Variants in COL10A1 observed in about 807,000 individuals in gnomAD.
COL10A1 encodes the protein collagen type X alpha 1 chain.
Under a neutral mutation model 18.2 loss-of-function variants are expected in COL10A1, and 10 were observed. That is an observed-to-expected ratio of 0.55 (90% confidence interval 0.34 to 0.93). The LOEUF (loss-of-function observed/expected upper bound fraction) is 0.93, where lower values mean the gene tolerates loss of function less well. Ranked by LOEUF, COL10A1 falls within the 40% of genes least tolerant of loss-of-function variation. The pLI, the probability that COL10A1 is intolerant of heterozygous loss-of-function variation, is 0.02. For missense variants in COL10A1, 897 were observed against 853.5 expected (o/e 1.05, Z -0.64); for synonymous variants, 330 against 316.6 (o/e 1.04, Z -0.45).
the COL10A1 span, among the ~76,000 whole-genome samples, chr6:116,197,262 A>G: frequency 1.3e-5 from 2 of 151,912 alleles, no homozygotes; most frequent in Non-Finnish European, 2.9e-5. Flanking sequence ...TTTGTCCTCA[A>G]CCACATACCA....
chr6:116,178,114 T>TGCGTGC, the COL10A1 span, among the ~76,000 whole-genome samples: 1 of 141,824 alleles, frequency 7.1e-6, no homozygotes, highest in African/African-American at 2.8e-5. Flanking sequence ...TGCGTGCGTG[T>TGCGTGC]GTGTGTGTGT....
intron 2 of COL10A1, among the ~76,000 whole-genome samples, chr6:116,124,324 G>C (rs1779227640): frequency 6.6e-6 from 1 of 152,094 alleles, no homozygotes; most frequent in Non-Finnish European, 1.5e-5. Context: ...GAAGCCTACA[G>C]TCAGTTTATA....
At chr6:116,138,878 CT>C (rs1301827474) in intron 1 of COL10A1, among the ~76,000 whole-genome samples, 2 of 152,044 alleles carry the variant, frequency 1.3e-5, no homozygotes, top group Non-Finnish European at 2.9e-5. Flanking sequence ...TTCAGTCTTG[CT>C]TTTGGTTTGA....
rs892775702 is a variant in COL10A1, at chr6:116,119,438, T to A, written c.*635A>T. ...TGATGAAAGCACCTTGCATTTCAGA[T>A]GAACTTCAATATTTTGGGGCTTTTT... On this transcript the variant is annotated 3_prime_UTR_variant, in exon 3 of 3. Coordinates refer to ENST00000651968, the MANE Select transcript of COL10A1 (RefSeq NM_000493.4). 1 of 152,644 alleles carries A rather than the reference T, an allele frequency of 6.6e-6. No individual in the cohort carries two copies. The highest frequency in any genetic ancestry group is 1.5e-5 in the Non-Finnish European group (1 of 68,056). The allele number at this position is 152,644 out of a possible 1,614,324, so 9.5% of individuals were successfully genotyped here.
chr6:116,169,841 G>C, the COL10A1 span, among the ~76,000 whole-genome samples: 1 of 152,102 alleles, frequency 6.6e-6, no homozygotes, highest in African/African-American at 2.4e-5. Context: ...ATGAAAGGAA[G>C]AAAAACTCAG....
At chr6:116,161,743 G>A (rs1305017587), upstream of COL10A1, among the ~76,000 whole-genome samples, 3 of 152,092 alleles carry the variant, frequency 2.0e-5, no homozygotes, top group African/African-American at 7.2e-5. Context: ...TTTTATAATT[G>A]TTTTTTCTAA....
chr6:116,183,243 T>G, the COL10A1 span, among the ~76,000 whole-genome samples: 3 of 152,176 alleles, frequency 2.0e-5, no homozygotes, highest in South Asian at 6.2e-4. Flanking sequence ...GTGCCCGTTT[T>G]TATACCATTA....
Position 116,121,404 on chromosome 6 carries a change from C to G in COL10A1, c.712G>C (p.Gly238Arg). 1.1e-5 allele frequency: 18 copies of G among 1,614,128 alleles called. No individual in the cohort carries two copies. The highest frequency in any genetic ancestry group is 1.4e-5 in the Non-Finnish European group (16 of 1,180,008). The part of the protein sequence containing the change: ...PGQPGIKGDR[G>R]FPGEMGPIGP... ...ATTGGTCCCATTTCTCCCGGAAAAC[C>G]TCTATCACCTTTGATGCCTGGCTGT... The change falls in exon 3 of 3, where the codon GGT becomes CGT. Residue 238 changes from glycine (G) to arginine (R), a missense_variant. By Grantham distance (125) the Gly-to-Arg change is moderately radical. Transcript: ENST00000651968.
chr6:116,172,314 T>C, the COL10A1 span, among the ~76,000 whole-genome samples: 35 of 140,128 alleles, frequency 2.5e-4, no homozygotes, highest in Non-Finnish European at 4.0e-4. Flanking sequence ...AACCCCTTAG[T>C]AACTTTTTTT....
chr6:116,172,731 A>G, the COL10A1 span, among the ~76,000 whole-genome samples: 6 of 152,218 alleles, frequency 3.9e-5, no homozygotes, highest in African/African-American at 1.4e-4. Context: ...GAGAAATTTT[A>G]AAGTATTTAT....
chr6:116,159,134 A>G (rs1046454467), upstream of COL10A1, among the ~76,000 whole-genome samples: 2 of 152,168 alleles, frequency 1.3e-5, no homozygotes, highest in African/African-American at 2.4e-5. Flanking sequence ...ATATCTTCTT[A>G]TGCCATTGCT....
chr6:116,127,499 A>T (rs1224980776), upstream of COL10A1, among the ~76,000 whole-genome samples: 1 of 152,050 alleles, frequency 6.6e-6, no homozygotes, highest in Non-Finnish European at 1.5e-5. Context: ...TTTATAATTC[A>T]TCATTTGGAA....
At chr6:116,211,818 G>A in the COL10A1 span, among the ~76,000 whole-genome samples, 2 of 152,014 alleles carry the variant, frequency 1.3e-5, no homozygotes, top group African/African-American at 4.8e-5. Context: ...GAGAATCTAA[G>A]TCTGTGGTTC....
chr6:116,139,356 A>G (rs1779706198), intron 1 of COL10A1, among the ~76,000 whole-genome samples: 2 of 152,226 alleles, frequency 1.3e-5, no homozygotes, highest in South Asian at 4.2e-4. Context: ...TAATACAATT[A>G]TTATATTTTG....
the COL10A1 span, among the ~76,000 whole-genome samples, chr6:116,204,374 C>A: frequency 1.3e-5 from 2 of 151,916 alleles, no homozygotes; most frequent in Non-Finnish European, 2.9e-5. Flanking sequence ...CAAAAAGATG[C>A]ACTACCTAAT....
chr6:116,177,052 G>A, the COL10A1 span, among the ~76,000 whole-genome samples: 1 of 152,154 alleles, frequency 6.6e-6, no homozygotes, highest in South Asian at 2.1e-4. Context: ...ACTAAAATCT[G>A]AAGTTTTGAT....
rs538524572 is a variant in COL10A1, at chr6:116,121,817, G to T, written c.299C>A (p.Pro100Gln). 1.2e-6 allele frequency: 2 copies of T among 1,613,922 alleles called. No homozygotes were observed. Among genetic ancestry groups the T allele is most frequent in the Admixed American group, 1.7e-5 (1 of 60,006 alleles). The part of the protein sequence containing the change: ...LQGEPGLPGP[P>Q]GPSAVGKPGV... ...TGGTTTCCCTACAGCTGATGGTCCCGGTGGTCCTGGCAACCCTGGCTCTCC... is the reference window on the plus strand; with the variant it reads ...TGGTTTCCCTACAGCTGATGGTCCCTGTGGTCCTGGCAACCCTGGCTCTCC... The change falls in exon 3 of 3, where the codon CCG (proline) becomes CAG (glutamine). Residue 100 changes from proline (P) to glutamine (Q), a missense_variant. Transcript: ENST00000651968.
the COL10A1 span, among the ~76,000 whole-genome samples, chr6:116,170,385 A>G: frequency 5.3e-5 from 8 of 152,300 alleles, no homozygotes; most frequent in African/African-American, 1.7e-4. Context: ...TCTGCCACGT[A>G]GTTGGTGTGC....
At chr6:116,137,579 C>G (rs1473471142) in intron 1 of COL10A1, 2 of 214,404 alleles carry the variant, frequency 9.3e-6, no homozygotes, top group Non-Finnish European at 2.0e-5. Context: ...GCTGCGTTTT[C>G]CCACTGGGTT....
Sources: gnomAD v4.1 joint callset for allele counts (sites outside exome capture counted in the v4.1 genomes callset) on GRCh38, gnomAD v4.1.1 for gene constraint, MANE v1.5 for transcripts, NCBI Gene and HGNC (gene_info 2026-07-23, HGNC 2026-07-21) for gene names.